The following BTBD9 variants were observed in gnomAD, a reference collection of about 807,000 sequenced individuals.
BTBD9 encodes BTB/POZ domain-containing protein 9.
In BTBD9, 49 loss-of-function variants were observed where a neutral mutation model predicts 64.3. The ratio of observed to expected loss-of-function variants is 0.76; its 90% confidence interval spans 0.61 to 0.97. The LOEUF (loss-of-function observed/expected upper bound fraction) is 0.97, where lower values mean the gene tolerates loss of function less well. BTBD9 is among the 50% of genes least tolerant of loss of function. BTBD9 has a pLI of 0.00. For missense variants in BTBD9, 598 were observed against 762.1 expected, an observed-to-expected ratio of 0.78 and a Z score of 2.53; for synonymous variants, 260 against 274.7, an observed-to-expected ratio of 0.95 and a Z score of 0.53.
At chr6:38,452,059 C>A (rs1769580041) in intron 6 of BTBD9, among the ~76,000 whole-genome samples, 1 of 152,104 alleles carries the variant, frequency 6.6e-6, no homozygotes, top group Admixed American at 6.5e-5. Flanking sequence ...TCCTCTACTC[C>A]CTGTTCCATT....
chr6:38,361,529 C>T (rs1029725665), intron 6 of BTBD9, among the ~76,000 whole-genome samples: 3 of 150,384 alleles, frequency 2.0e-5, no homozygotes, highest in East Asian at 2.0e-4. Context: ...GGTAACAGAA[C>T]GAGACCCTGT....
intron 6 of BTBD9, among the ~76,000 whole-genome samples, chr6:38,524,048 C>T (rs1773382375): frequency 1.3e-5 from 2 of 152,116 alleles, no homozygotes; most frequent in Non-Finnish European, 2.9e-5. Flanking sequence ...TGTCTTTTCT[C>T]CCCAATTAGA....
At chr6:38,317,347 C>T (rs189766714) in intron 7 of BTBD9, among the ~76,000 whole-genome samples, 135 of 152,276 alleles carry the variant, frequency 8.9e-4, no homozygotes, top group Admixed American at 4.6e-3. Flanking sequence ...TGTAGGTTTG[C>T]ACTGAAAGGT....
Position 38,205,054 on chromosome 6 carries a change from A to C in BTBD9, c.1563-12457T>G, listed in dbSNP as rs532182893. Among the ~76,000 whole-genome samples the C allele has an allele frequency of 2.0e-5, 3 of 152,306 alleles. No homozygotes were observed. In the East Asian group the frequency reaches 5.8e-4, roughly 29 times the overall value. On this transcript the variant is annotated intron_variant, in intron 9 of 10. Coordinates refer to ENST00000481247, the MANE Select transcript of BTBD9 (RefSeq NM_001099272.2). Reference sequence around the variant, plus strand: ...ATGTCAAATCAAATGACAAAGATAAAAAATAGAAGAGAAAGTATAAGAGAA... The same window carrying C: ...ATGTCAAATCAAATGACAAAGATAACAAATAGAAGAGAAAGTATAAGAGAA...
chr6:38,528,640 A>T (rs1483549171), intron 6 of BTBD9, among the ~76,000 whole-genome samples: 1 of 152,210 alleles, frequency 6.6e-6, no homozygotes, highest in Non-Finnish European at 1.5e-5. Context: ...TCCAGGTGCT[A>T]GCTCCCAGAT....
intron 6 of BTBD9, among the ~76,000 whole-genome samples, chr6:38,372,546 A>G (rs1765468100): frequency 6.6e-6 from 1 of 152,230 alleles, no homozygotes; most frequent in African/African-American, 2.4e-5. Context: ...GGCAGGATAA[A>G]ACTCTTTTCA....
chr6:38,374,863 G>C (rs1765622448), intron 6 of BTBD9, among the ~76,000 whole-genome samples: 1 of 152,170 alleles, frequency 6.6e-6, no homozygotes, highest in Admixed American at 6.5e-5. Context: ...TGGAGTCAGA[G>C]TTGGCAGCGA....
chr6:38,187,636 G>C (rs961987580), intron 10 of BTBD9, among the ~76,000 whole-genome samples: 3 of 152,178 alleles, frequency 2.0e-5, no homozygotes, highest in Non-Finnish European at 4.4e-5. Flanking sequence ...CAGTGGGGGG[G>C]AGTGAAAGTG....
At chr6:38,288,498 G>C (rs1305278843) in intron 7 of BTBD9, 37 bp from the exon 8 acceptor site, 2 of 1,577,038 alleles carry the variant, frequency 1.3e-6, no homozygotes, top group Admixed American at 3.3e-5. Context: ...ATCAGGATAA[G>C]AGAAGCCAAA....
At position 38,401,990 on chromosome 6, in the gene BTBD9, G is replaced by A. The variant is rs77159011; in HGVS notation, c.1155-56897C>T. 7.9e-3 allele frequency among the ~76,000 whole-genome samples: 1,206 copies of A among 152,086 alleles called. 11 individuals carry two copies. Among genetic ancestry groups the A allele is most frequent in the Non-Finnish European group, 0.013 (913 of 67,964 alleles). On this transcript the variant is annotated intron_variant, in intron 6 of 10. Transcript: ENST00000481247. The stretch of plus-strand genomic sequence containing the variant: ...AATATATTTGAAATTATAACCAGAA[G>A]ATGTTCTTTAAAATTGCTAATATAA...
intron 1 of BTBD9, among the ~76,000 whole-genome samples, chr6:38,621,165 T>C (rs1252047539): frequency 3.3e-5 from 5 of 152,116 alleles, no homozygotes; most frequent in Non-Finnish European, 2.9e-5. Flanking sequence ...AAGGAAAGGA[T>C]CTCACTGTCT....
intron 7 of BTBD9, among the ~76,000 whole-genome samples, chr6:38,297,244 T>G (rs1762189557): frequency 6.6e-6 from 1 of 152,058 alleles, no homozygotes; most frequent in Non-Finnish European, 1.5e-5. Context: ...CGCGCACCTG[T>G]AATCCCAGCT....
intron 6 of BTBD9, among the ~76,000 whole-genome samples, chr6:38,403,628 C>G (rs981335977): frequency 3.9e-5 from 6 of 152,174 alleles, no homozygotes; most frequent in African/African-American, 1.4e-4. Context: ...TACTACTAGC[C>G]GGAATGTAAA....
chr6:38,492,988 T>TA (rs1013115397), intron 6 of BTBD9, among the ~76,000 whole-genome samples: 4 of 152,128 alleles, frequency 2.6e-5, no homozygotes, highest in Non-Finnish European at 5.9e-5. Context: ...TTTTAACCCT[T>TA]AAAAAATTGT....
intron 1 of BTBD9, among the ~76,000 whole-genome samples, chr6:38,620,770 G>GA (rs1335828252): frequency 6.6e-6 from 1 of 152,134 alleles, no homozygotes; most frequent in African/African-American, 2.4e-5. Context: ...AGTTGCGGGG[G>GA]TTCCTTGGGA....
intron 6 of BTBD9, among the ~76,000 whole-genome samples, chr6:38,453,218 A>G (rs1039176745): frequency 3.3e-5 from 5 of 152,322 alleles, no homozygotes; most frequent in Admixed American, 6.5e-5. Context: ...TTAGAATTTG[A>G]AAAGGAACAG....
intron 1 of BTBD9, among the ~76,000 whole-genome samples, chr6:38,614,912 T>A (rs905090328): frequency 6.6e-6 from 1 of 152,178 alleles, no homozygotes; most frequent in South Asian, 2.1e-4. Flanking sequence ...ATTTCCCTCA[T>A]CCTTTCCCTC....
At chr6:38,214,719 A>G (rs1457609081) in intron 9 of BTBD9, among the ~76,000 whole-genome samples, 1 of 152,192 alleles carries the variant, frequency 6.6e-6, no homozygotes, top group Non-Finnish European at 1.5e-5. Context: ...CCAAGGTTTG[A>G]TGCCATGTAT....
rs527660626 is a variant in BTBD9 at position 38,202,676 on chromosome 6, T to C, written c.1563-10079A>G. On this transcript the variant is annotated intron_variant, in intron 9 of 10. Transcript: ENST00000481247. ...CTTACACCAGGGAAAGGATACCCTCTTCAATAAATGGTGCTGGGAAAATTG... is the reference window on the plus strand; with the variant it reads ...CTTACACCAGGGAAAGGATACCCTCCTCAATAAATGGTGCTGGGAAAATTG... Among the ~76,000 whole-genome samples the C allele has an allele frequency of 2.6e-5, 4 of 152,244 alleles. No individual in the cohort carries two copies. In the South Asian group the frequency reaches 8.3e-4, roughly 32 times the overall value.
Sources: allele counts gnomAD v4.1 joint callset (sites outside exome capture counted in the v4.1 genomes callset), GRCh38; gene constraint gnomAD v4.1.1; transcripts MANE v1.5; gene names NCBI Gene and HGNC (gene_info 2026-07-23, HGNC 2026-07-21).